Variants in CARMIL1 observed in about 807,000 individuals in gnomAD.
CARMIL1 encodes the protein capping protein regulator and myosin 1 linker 1.
In CARMIL1, 90 loss-of-function variants were observed where a neutral mutation model predicts 177.1. That is an observed-to-expected ratio of 0.51 (90% CI 0.43 to 0.61). The LOEUF is 0.61. CARMIL1 is among the 20% of genes least tolerant of loss of function. The pLI, the probability that CARMIL1 is intolerant of heterozygous loss-of-function variation, is 0.00. For synonymous variants in CARMIL1, 577 were observed against 606.2 expected (o/e 0.95, Z 0.71); for missense variants, 1,380 against 1,667.0 (o/e 0.83, Z 3.00).
At chr6:25,579,594 C>G (rs745912343) in intron 29 of CARMIL1, among the ~76,000 whole-genome samples, 1 of 152,142 alleles carries the variant, frequency 6.6e-6, no homozygotes, top group Non-Finnish European at 1.5e-5. Context: ...ATTGAGTTAG[C>G]TGAGTTTTTA....
intron 29 of CARMIL1, among the ~76,000 whole-genome samples, chr6:25,565,905 C>T (rs1811517865): frequency 6.6e-6 from 1 of 152,216 alleles, no homozygotes; most frequent in Admixed American, 6.5e-5. Flanking sequence ...TACTTGACAT[C>T]TCCAATTAGC....
intron 29 of CARMIL1, among the ~76,000 whole-genome samples, chr6:25,573,320 G>A (rs929411282): frequency 2.0e-5 from 3 of 151,848 alleles, no homozygotes; most frequent in Admixed American, 2.0e-4. Flanking sequence ...TCATTAAAAT[G>A]AAAAAAATTA....
At chr6:25,440,275 G>A (rs1581947271) in intron 5 of CARMIL1, among the ~76,000 whole-genome samples, 2 of 152,338 alleles carry the variant, frequency 1.3e-5, no homozygotes, top group Admixed American at 1.3e-4. Flanking sequence ...GCACAGGCTG[G>A]CTTTGCAGAG....
chr6:25,535,575 C>G (rs1808212538), intron 24 of CARMIL1, among the ~76,000 whole-genome samples: 2 of 152,284 alleles, frequency 1.3e-5, no homozygotes, highest in East Asian at 3.9e-4. Context: ...AAACTGAACA[C>G]TATAGGGTTA....
At chr6:25,400,278 G>T (rs1793778444) in intron 2 of CARMIL1, among the ~76,000 whole-genome samples, 1 of 152,088 alleles carries the variant, frequency 6.6e-6, no homozygotes, top group Non-Finnish European at 1.5e-5. Context: ...AAGGGATAAG[G>T]CCTATAAAGA....
At chr6:25,548,389 TG>T (rs1323138974) in intron 26 of CARMIL1, among the ~76,000 whole-genome samples, 1 of 152,042 alleles carries the variant, frequency 6.6e-6, no homozygotes, top group Non-Finnish European at 1.5e-5. Flanking sequence ...ATTGTTTGAG[TG>T]GGGAGGGGAG....
At chr6:25,502,842 A>G (rs769293450) in intron 17 of CARMIL1, among the ~76,000 whole-genome samples, 4 of 152,196 alleles carry the variant, frequency 2.6e-5, no homozygotes, top group Non-Finnish European at 4.4e-5. Context: ...TAATAGTAAT[A>G]TTGACTGTGA....
At chr6:25,421,526 A>G (rs1030347074) in intron 3 of CARMIL1, among the ~76,000 whole-genome samples, 7 of 152,288 alleles carry the variant, frequency 4.6e-5, no homozygotes, top group Admixed American at 2.6e-4. Flanking sequence ...ATTACTGGGT[A>G]TATACCCAAA....
chr6:25,428,374 C>T (rs375222092), intron 4 of CARMIL1, among the ~76,000 whole-genome samples: 5 of 152,086 alleles, frequency 3.3e-5, no homozygotes, highest in East Asian at 3.8e-4. Context: ...CTCTGAATCC[C>T]GTCTCCTTGC....
intron 31 of CARMIL1, among the ~76,000 whole-genome samples, chr6:25,586,999 A>G (rs1179579541): frequency 7.6e-6 from 1 of 130,910 alleles, no homozygotes; most frequent in Non-Finnish European, 1.6e-5. Flanking sequence ...GAGACCGTGG[A>G]GACAGAGGGA....
intron 1 of CARMIL1, among the ~76,000 whole-genome samples, chr6:25,283,673 G>A (rs2150125416): frequency 6.6e-6 from 1 of 152,110 alleles, no homozygotes; most frequent in East Asian, 1.9e-4. Context: ...CAGATGGCTG[G>A]GAGTGCCTTT....
chr6:25,285,159 G>T (rs1427888638), intron 2 of CARMIL1, among the ~76,000 whole-genome samples: 1 of 152,108 alleles, frequency 6.6e-6, no homozygotes, highest in Non-Finnish European at 1.5e-5. Flanking sequence ...CTATATTTAG[G>T]TAATCTCTTA....
At chr6:25,432,000 C>A (rs1278036172) in intron 4 of CARMIL1, among the ~76,000 whole-genome samples, 2 of 152,142 alleles carry the variant, frequency 1.3e-5, no homozygotes, top group East Asian at 3.8e-4. Flanking sequence ...TTTGGAACTG[C>A]CTGTGATTGT....
intron 2 of CARMIL1, among the ~76,000 whole-genome samples, chr6:25,409,269 C>T (rs909910632): frequency 6.6e-6 from 1 of 152,180 alleles, no homozygotes; most frequent in Non-Finnish European, 1.5e-5. Context: ...TTCTAACTAG[C>T]AAGTTTGCAC....
intron 2 of CARMIL1, among the ~76,000 whole-genome samples, chr6:25,396,075 G>A (rs1048636099): frequency 7.2e-5 from 11 of 152,242 alleles, no homozygotes; most frequent in South Asian, 4.2e-4. Context: ...CAGGGTATGC[G>A]GATTCCCTGT....
At chr6:25,287,451 G>A (rs1781602784) in intron 2 of CARMIL1, 1 of 152,626 alleles carries the variant, frequency 6.6e-6, no homozygotes, top group Non-Finnish European at 1.5e-5. Flanking sequence ...GTCAAGTGAA[G>A]CAATGGGATT....
intron 2 of CARMIL1, among the ~76,000 whole-genome samples, chr6:25,386,882 C>G (rs1436165011): frequency 6.6e-6 from 1 of 151,878 alleles, no homozygotes; most frequent in Admixed American, 6.6e-5. Flanking sequence ...AATCCTAGCA[C>G]TTTGGGAGGC....
intron 2 of CARMIL1, among the ~76,000 whole-genome samples, chr6:25,293,424 C>G (rs1245319369): frequency 6.6e-6 from 1 of 151,928 alleles, no homozygotes; most frequent in East Asian, 1.9e-4. Context: ...CTTGCTCTGT[C>G]ATCCAAGCTG....
intron 16 of CARMIL1, among the ~76,000 whole-genome samples, chr6:25,499,778 A>C (rs768392036): frequency 6.6e-6 from 1 of 152,206 alleles, no homozygotes; most frequent in South Asian, 2.1e-4. Context: ...GACTCTAATA[A>C]CAATTGCTTA....
Sources: allele counts gnomAD v4.1 joint callset (sites outside exome capture counted in the v4.1 genomes callset), GRCh38; gene constraint gnomAD v4.1.1; transcripts MANE v1.5; gene names NCBI Gene and HGNC (gene_info 2026-07-23, HGNC 2026-07-21).